Variants in PAK2 observed in about 807,000 individuals in gnomAD.
PAK2 encodes serine/threonine-protein kinase PAK 2.
A neutral mutation model predicts 65.9 loss-of-function variants in PAK2; 21 were observed. The observed-to-expected ratio is 0.32, with a 90% CI of 0.23 to 0.46. PAK2 has a LOEUF of 0.46. Ranked by LOEUF, PAK2 falls within the 20% of genes least tolerant of loss-of-function variation. The probability of loss-of-function intolerance (pLI) is 1.00; values close to 1 mark genes in which losing one functional copy is unlikely to be tolerated. For synonymous variants in PAK2, 204 were observed against 219.7 expected, an observed-to-expected ratio of 0.93 and a Z score of 0.63; for missense variants, 324 against 642.6, an observed-to-expected ratio of 0.50 and a Z score of 5.36.
At chr3:196,795,312 AAG>A (rs1489845809) in intron 2 of PAK2, among the ~76,000 whole-genome samples, 1 of 151,770 alleles carries the variant, frequency 6.6e-6, no homozygotes, top group Non-Finnish European at 1.5e-5. Context: ...AAAAGAAAAA[AAG>A]AAAAATTATC....
At position 196,755,664 on chromosome 3, in the gene PAK2, G is replaced by A. The variant is rs182286779; in HGVS notation, c.-22+15507G>A. ...GTAGAGATGGGGTTTCTCCACGTTG[G>A]TCAGGCTGGTCTCGAATTCCTGACC... On this transcript the variant is annotated intron_variant, in intron 1 of 14. Transcript: ENST00000327134. 5.0e-3 allele frequency among the ~76,000 whole-genome samples: 761 copies of A among 152,140 alleles called. 14 individuals carry two copies. Among genetic ancestry groups the A allele is most frequent in the Admixed American group, 7.4e-3 (113 of 15,288 alleles).
chr3:196,756,585 C>G (rs896265127), intron 1 of PAK2, among the ~76,000 whole-genome samples: 2 of 152,186 alleles, frequency 1.3e-5, no homozygotes, highest in African/African-American at 4.8e-5. Context: ...TGCCTGTAAT[C>G]CCAGCACTTT....
At chr3:196,811,757 T>C (rs1715834786) in intron 8 of PAK2, among the ~76,000 whole-genome samples, 1 of 151,960 alleles carries the variant, frequency 6.6e-6, no homozygotes, top group Non-Finnish European at 1.5e-5. Flanking sequence ...CAAAGTATAT[T>C]TTATAGGGAT....
intron 3 of PAK2, among the ~76,000 whole-genome samples, 179 bp from the exon 4 acceptor site, chr3:196,802,836 ACT>A (rs544081084): frequency 6.4e-4 from 98 of 152,160 alleles, no homozygotes; most frequent in Admixed American, 1.2e-3. Context: ...ACAGAGTGAG[ACT>A]CTGTCTCAAA....
rs1560105550 is a variant in PAK2 at position 196,791,225 on chromosome 3, C to T, written c.187+8392C>T. On this transcript the variant is annotated intron_variant, in intron 2 of 14. Transcript: ENST00000327134. This position sits in a 1 kb window ranked among gnomAD's most constrained non-coding sequence, Gnocchi z 4.0. The stretch of plus-strand genomic sequence containing the variant: ...TTCAATTCCAGACATGCTTTAGTAT[C>T]TTTTTGTTTTAGACACTGTTTCTAA... Among the ~76,000 whole-genome samples the T allele has an allele frequency of 6.6e-6, 1 of 152,102 alleles. No individual in the cohort carries two copies. Among genetic ancestry groups the T allele is most frequent in the African/African-American group, 2.4e-5 (1 of 41,436 alleles).
At chr3:196,765,805 A>G (rs1714144214) in intron 1 of PAK2, among the ~76,000 whole-genome samples, 1 of 152,200 alleles carries the variant, frequency 6.6e-6, no homozygotes, top group African/African-American at 2.4e-5. Flanking sequence ...ACTGGCTAAC[A>G]TTGTTTATTT....
chr3:196,778,337 T>C lies in PAK2; in HGVS notation c.-21-4289T>C, dbSNP rs1714601695. On this transcript the variant is annotated intron_variant, in intron 1 of 14. Coordinates refer to ENST00000327134, the MANE Select transcript of PAK2 (RefSeq NM_002577.4). ...GTGTCTATCTTTTGGCTGTTATGAA[T>C]GCTTCTGTGAACATTCATACAAAGT... is the stretch of plus-strand genomic sequence containing the variant. Among the ~76,000 whole-genome samples the C allele has an allele frequency of 2.6e-5, 4 of 152,246 alleles. No homozygotes were observed. The South Asian group carries it at 8.3e-4, about 32-fold the overall frequency.
intron 7 of PAK2, among the ~76,000 whole-genome samples, chr3:196,809,239 C>A (rs984482186): frequency 4.0e-5 from 6 of 150,062 alleles, no homozygotes. Context: ...CAGAGTGAGA[C>A]CCTGTCTCTA....
At chr3:196,810,179 A>G (rs1490135285) in intron 7 of PAK2, among the ~76,000 whole-genome samples, 1 of 151,844 alleles carries the variant, frequency 6.6e-6, no homozygotes, top group African/African-American at 2.4e-5. Context: ...TCTATATTCA[A>G]ATATATCTAT....
rs1711991894 is a variant in PAK2 at position 196,829,417 on chromosome 3, G to A, written c.*1012G>A. 1 of 152,312 alleles carries A rather than the reference G, an allele frequency of 6.6e-6. No individual in the cohort carries two copies. The allele number at this position is 152,312 out of a possible 1,614,324, so 9.4% of individuals were successfully genotyped here. A position where few individuals can be genotyped will look rare whatever the true frequency, so the allele number is the denominator to read the frequency against. On this transcript the variant is annotated 3_prime_UTR_variant, in exon 15 of 15. Transcript: ENST00000327134. The stretch of plus-strand genomic sequence containing the variant: ...TCACCTCACAGATACCCCCTCCCAT[G>A]GCAAATAATATAATAACCAGTGAAT...
chr3:196,827,039 A>G (rs1382527292), intron 13 of PAK2, among the ~76,000 whole-genome samples, 157 bp from the exon 14 acceptor site: 2 of 152,232 alleles, frequency 1.3e-5, no homozygotes, highest in Non-Finnish European at 2.9e-5. Flanking sequence ...AATAAGAGGA[A>G]AGTATCAAAT....
At chr3:196,746,037 C>T (rs780466233) in intron 1 of PAK2, among the ~76,000 whole-genome samples, 1 of 150,854 alleles carries the variant, frequency 6.6e-6, no homozygotes, top group Non-Finnish European at 1.5e-5. Flanking sequence ...CCGTATTAGC[C>T]AGGATGGTCT....
At chr3:196,766,764 A>G (rs1714182407) in intron 1 of PAK2, among the ~76,000 whole-genome samples, 1 of 123,318 alleles carries the variant, frequency 8.1e-6, no homozygotes, top group Admixed American at 9.3e-5. Context: ...TGCGGTAACT[A>G]TGGATGGTGA....
chr3:196,752,915 C>T (rs1257578587), intron 1 of PAK2, among the ~76,000 whole-genome samples: 1 of 151,896 alleles, frequency 6.6e-6, no homozygotes, highest in African/African-American at 2.4e-5. Flanking sequence ...GACAAGGTCT[C>T]GCTCTTGTCC....
chr3:196,802,748 G>T (rs1178736804), intron 3 of PAK2, among the ~76,000 whole-genome samples: 1 of 152,030 alleles, frequency 6.6e-6, no homozygotes, highest in Non-Finnish European at 1.5e-5. Flanking sequence ...GGAGGCTGAG[G>T]CAGGAGAATG....
chr3:196,786,728 G>A (rs528723865), intron 2 of PAK2, among the ~76,000 whole-genome samples: 2 of 152,156 alleles, frequency 1.3e-5, no homozygotes, highest in Admixed American at 6.5e-5. Context: ...GTTTCCATGT[G>A]AGAGTCTGTT....
Position 196,830,041 on chromosome 3 carries a change from T to C in PAK2, c.*1636T>C, listed in dbSNP as rs2108780593. ...CCACCATCCCCTTCCCCCATTAACTTCCCCCCTGCTTGCCATCCTGCAGTA... is the reference window on the plus strand; with the variant it reads ...CCACCATCCCCTTCCCCCATTAACTCCCCCCCTGCTTGCCATCCTGCAGTA... On this transcript the variant is annotated 3_prime_UTR_variant, in exon 15 of 15. Transcript: ENST00000327134. The C allele has an allele frequency of 6.7e-6, 1 of 149,400 alleles. No individual in the cohort carries two copies. The highest frequency in any genetic ancestry group is 2.2e-4 in the South Asian group (1 of 4,482). 9.3% of individuals were successfully genotyped at this position (149,400 alleles called of 1,614,324 possible). A position where few individuals can be genotyped will look rare whatever the true frequency, so the allele number is the denominator to read the frequency against.
At chr3:196,797,558 C>A (rs760253279) in intron 2 of PAK2, among the ~76,000 whole-genome samples, 1 of 151,938 alleles carries the variant, frequency 6.6e-6, no homozygotes, top group Non-Finnish European at 1.5e-5. Context: ...TCAAGACCAA[C>A]CTGACCAACA....
intron 1 of PAK2, among the ~76,000 whole-genome samples, chr3:196,769,647 T>A (rs112923641): frequency 0.028 from 4,142 of 147,272 alleles, 96 homozygotes; most frequent in Non-Finnish European, 0.041. Flanking sequence ...CCGTCTCTCC[T>A]AAAAAAAAAA....
Sources: gnomAD v4.1 joint callset for allele counts (sites outside exome capture counted in the v4.1 genomes callset) on GRCh38, gnomAD v4.1.1 for gene constraint, Gnocchi (gnomAD v3.1) non-coding constraint, MANE v1.5 for transcripts, NCBI Gene and HGNC (gene_info 2026-07-23, HGNC 2026-07-21) for gene names.